The following IDO2 variants were observed in gnomAD, a reference collection of about 807,000 sequenced individuals.
IDO2 encodes indoleamine 2,3-dioxygenase-like 1 protein.
A neutral mutation model predicts 45.1 loss-of-function variants in IDO2; 46 were observed. The ratio of observed to expected loss-of-function variants is 1.02; its 90% CI spans 0.80 to 1.30. The LOEUF is 1.30. Among genes scored for constraint, IDO2 ranks in the 50% most tolerant of loss-of-function variants. The pLI, the probability that IDO2 is intolerant of heterozygous loss-of-function variation, is 0.00. For synonymous variants in IDO2, 218 were observed against 184.9 expected (o/e 1.18, Z -1.45); for missense variants, 544 against 491.8 (o/e 1.11, Z -1.00).
At chr8:40,015,958 ATTTT>A (rs1205954025) in exon 11 of IDO2, 10 of 331,834 alleles carry the variant, frequency 3.0e-5, no homozygotes, top group African/African-American at 2.4e-4. Flanking sequence ...TTACTTGTTG[ATTTT>A]CTTAAAAAAC....
intron 8 of IDO2, among the ~76,000 whole-genome samples, chr8:39,996,620 T>C (rs368574208): frequency 1.1e-4 from 17 of 151,568 alleles, no homozygotes; most frequent in East Asian, 3.9e-4. Flanking sequence ...ATTTCTACCA[T>C]CTCTTGTCTC....
At chr8:39,948,197 CCTT>C (rs1371667127) in intron 1 of IDO2, among the ~76,000 whole-genome samples, 1 of 152,216 alleles carries the variant, frequency 6.6e-6, no homozygotes, top group Non-Finnish European at 1.5e-5. Flanking sequence ...AAATATATAT[CCTT>C]CTTTAACGTG....
At chr8:40,011,988 G>A (rs147437682) in intron 9 of IDO2, among the ~76,000 whole-genome samples, 88 of 152,222 alleles carry the variant, frequency 5.8e-4, no homozygotes, top group African/African-American at 2.1e-3. Context: ...CCCCAATTGC[G>A]GAGGCCACTG....
intron 3 of IDO2, among the ~76,000 whole-genome samples, chr8:39,965,790 G>T (rs1808076068): frequency 6.6e-6 from 1 of 152,088 alleles, no homozygotes; most frequent in South Asian, 2.1e-4. Flanking sequence ...GATGTGCCAA[G>T]GATTGCTGGC....
chr8:39,956,208 A>AC, intron 2 of IDO2, among the ~76,000 whole-genome samples: 1 of 151,952 alleles, frequency 6.6e-6, no homozygotes, highest in East Asian at 1.9e-4. Context: ...ACAGGCACGC[A>AC]CCACCATGCC....
intron 3 of IDO2, among the ~76,000 whole-genome samples, chr8:39,977,368 T>C (rs764667873): frequency 6.6e-6 from 1 of 152,254 alleles, no homozygotes; most frequent in African/African-American, 2.4e-5. Context: ...GCTGTTATAA[T>C]GCTCACCTGG....
intron 8 of IDO2, among the ~76,000 whole-genome samples, chr8:40,004,516 A>G (rs2981143): frequency 0.063 from 8,886 of 141,106 alleles, 293 homozygotes; most frequent in Middle Eastern, 0.13. Flanking sequence ...GACAGATTAG[A>G]CAGACAGATG....
intron 2 of IDO2, among the ~76,000 whole-genome samples, chr8:39,958,463 C>A (rs1044226131): frequency 3.3e-5 from 5 of 152,172 alleles, no homozygotes; most frequent in African/African-American, 1.2e-4. Flanking sequence ...CTGGCGTGAT[C>A]TCAGCTCACT....
At chr8:39,989,833 T>G in exon 8 of IDO2, 3 of 1,586,404 alleles carry the variant, frequency 1.9e-6, no homozygotes, top group Non-Finnish European at 2.6e-6. Context: ...TTAGGACAGA[T>G]GCATGGTAAG....
At chr8:40,014,103 G>A (rs1311641859) in intron 10 of IDO2, among the ~76,000 whole-genome samples, 1 of 152,140 alleles carries the variant, frequency 6.6e-6, no homozygotes, top group African/African-American at 2.4e-5. Context: ...CCACAAAATG[G>A]TGCAACTTCT....
intron 3 of IDO2, among the ~76,000 whole-genome samples, chr8:39,966,997 A>G (rs961477150): frequency 1.3e-5 from 2 of 152,198 alleles, no homozygotes; most frequent in South Asian, 4.1e-4. Flanking sequence ...GCTGATATAT[A>G]AAAAGAACTA....
chr8:39,948,253 A>G (rs759521807), intron 1 of IDO2, among the ~76,000 whole-genome samples: 1 of 152,246 alleles, frequency 6.6e-6, no homozygotes, highest in Non-Finnish European at 1.5e-5. Context: ...CTTAAAATAA[A>G]TCAATCATAA....
At chr8:39,990,305 T>A (rs532299611) in intron 8 of IDO2, among the ~76,000 whole-genome samples, 3 of 152,298 alleles carry the variant, frequency 2.0e-5, no homozygotes, top group African/African-American at 7.2e-5. Context: ...CTGTATTCCC[T>A]TTCTGTAGCT....
intron 9 of IDO2, among the ~76,000 whole-genome samples, chr8:40,008,677 T>G (rs1437938854): frequency 6.6e-6 from 1 of 152,228 alleles, no homozygotes; most frequent in Non-Finnish European, 1.5e-5. Flanking sequence ...CTACTTCTTC[T>G]CTATGTCAGA....
In IDO2 at chr8:39,958,006, C is replaced by T. The variant is rs553684802; in HGVS notation, c.100-5602C>T. ...CTGCAACCTTCGCCTCCTGGGTTCA[C>T]GCCATTCTCCCGCCTCAGCCTCCCG... On this transcript the variant is annotated intron_variant, in intron 2 of 10. Transcript: ENST00000502986. Among the ~76,000 whole-genome samples, 295 of 140,566 alleles carry T rather than the reference C, an allele frequency of 2.1e-3. 1 individual carries two copies. The highest frequency in any genetic ancestry group is 6.6e-3 in the South Asian group (29 of 4,366). 92.2% of individuals were successfully genotyped at this position (140,566 alleles called of 152,430 possible). A position where few individuals can be genotyped will look rare whatever the true frequency, so the allele number is the denominator to read the frequency against.
At chr8:39,976,876 TACA>T (rs1226665913) in intron 3 of IDO2, among the ~76,000 whole-genome samples, 2 of 152,240 alleles carry the variant, frequency 1.3e-5, no homozygotes, top group African/African-American at 4.8e-5. Context: ...AGACTTTTAA[TACA>T]CCTGTCATCA....
intron 3 of IDO2, among the ~76,000 whole-genome samples, chr8:39,977,009 C>T (rs565026352): frequency 5.9e-5 from 9 of 151,852 alleles, no homozygotes; most frequent in African/African-American, 1.9e-4. Flanking sequence ...TAATAATTTT[C>T]TAATAATGTA....
At chr8:39,944,277 T>TAC (rs3078480) in intron 1 of IDO2, among the ~76,000 whole-genome samples, 120,156 of 151,832 alleles carry the variant, frequency 0.79, 48,658 homozygotes, top group East Asian at 0.88. Context: ...AGGATCCACT[T>TAC]TGGGATTACA....
chr8:39,978,586 G>T (rs1008884600), intron 3 of IDO2, among the ~76,000 whole-genome samples: 4 of 152,096 alleles, frequency 2.6e-5, no homozygotes, highest in African/African-American at 9.7e-5. Context: ...CAGCGTCAGG[G>T]GTTGTGCTCC....
Sources: allele counts gnomAD v4.1 joint callset (sites outside exome capture counted in the v4.1 genomes callset), GRCh38; gene constraint gnomAD v4.1.1; transcripts MANE v1.5; gene names NCBI Gene and HGNC (gene_info 2026-07-23, HGNC 2026-07-21).